The following SETD4 variants were observed in gnomAD, a reference collection of about 807,000 sequenced individuals.
The protein encoded by SETD4 is SET domain-containing protein 4.
Under a neutral mutation model 58.3 loss-of-function variants are expected in SETD4, and 46 were observed. That is an observed-to-expected ratio of 0.79 (90% confidence interval 0.62 to 1.01). The LOEUF (loss-of-function observed/expected upper bound fraction) is 1.01, where lower values mean the gene tolerates loss of function less well. Ranked by LOEUF, SETD4 falls within the 50% of genes least tolerant of loss-of-function variation. The pLI, the probability that SETD4 is intolerant of heterozygous loss-of-function variation, is 0.00. For missense variants in SETD4, 490 were observed against 523.3 expected (o/e 0.94, Z 0.62); for synonymous variants, 190 against 202.6 (o/e 0.94, Z 0.53).
At chr21:36,050,836 T>C (rs976101723) in intron 4 of SETD4, 20 of 1,610,830 alleles carry the variant, frequency 1.2e-5, no homozygotes, top group Middle Eastern at 1.6e-4. Flanking sequence ...GTACGTGTCA[T>C]TGTCGTGGGA....
chr21:36,044,242 C>T (rs772535734), intron 6 of SETD4, among the ~76,000 whole-genome samples: 3 of 152,224 alleles, frequency 2.0e-5, no homozygotes, highest in Non-Finnish European at 2.9e-5. Flanking sequence ...CCACTCACAG[C>T]CCAGGGAAGG....
At chr21:36,054,172 A>C (rs1019787552) in intron 3 of SETD4, among the ~76,000 whole-genome samples, 2 of 152,232 alleles carry the variant, frequency 1.3e-5, no homozygotes, top group African/African-American at 4.8e-5. Context: ...TCAGCTGGGT[A>C]GGTCAGCTCC....
intron 1 of SETD4, 156 bp from the exon 2 acceptor site, chr21:36,059,080 A>C: frequency 1.1e-6 from 1 of 905,640 alleles, no homozygotes; most frequent in Non-Finnish European, 1.5e-6. Flanking sequence ...GTTTCTCTCA[A>C]GTGCTTTTGT....
rs1038621079 is a variant in SETD4 at position 36,057,280 on chromosome 21, T to C, written c.74-76A>G. ...ATTACCATTTTTAAAAGAACATGTC[T>C]GATGAAATGTGTCAGACAGACTTAC... is the stretch of plus-strand genomic sequence containing the variant. On this transcript the variant is annotated intron_variant, in intron 2 of 11. Transcript: ENST00000332131. The C allele has an allele frequency of 4.7e-6, 5 of 1,056,494 alleles. No individual in the cohort carries two copies. In the African/African-American group the frequency reaches 7.8e-5, roughly 16 times the overall value. 65.4% of individuals were successfully genotyped at this position (1,056,494 alleles called of 1,614,324 possible). A position where few individuals can be genotyped will look rare whatever the true frequency, so the allele number is the denominator to read the frequency against.
intron 10 of SETD4, among the ~76,000 whole-genome samples, chr21:36,036,993 G>A (rs2063809963): frequency 6.6e-6 from 1 of 152,218 alleles, no homozygotes; most frequent in Admixed American, 6.5e-5. Context: ...ATAGAAGCAG[G>A]GAGTCAAATT....
intron 3 of SETD4, among the ~76,000 whole-genome samples, chr21:36,054,420 T>C (rs1160178229): frequency 6.6e-6 from 1 of 152,236 alleles, no homozygotes; most frequent in Non-Finnish European, 1.5e-5. Flanking sequence ...ATAAGAGGCC[T>C]AGAGCATTAA....
intron 4 of SETD4, chr21:36,050,205 A>T: frequency 1.7e-6 from 2 of 1,177,252 alleles, no homozygotes; most frequent in Non-Finnish European, 2.6e-6. Context: ...AAGGAAGCAC[A>T]AGCTGATCAA....
chr21:36,057,137 A>G lies in SETD4; in HGVS notation c.141T>C (p.Asp47=), dbSNP rs1275723776. 2.5e-6 allele frequency: 4 copies of G among 1,614,226 alleles called. No homozygotes were observed. Among genetic ancestry groups the G allele is most frequent in the African/African-American group, 2.7e-5 (2 of 75,068 alleles). The change falls in exon 3 of 12, where the codon GAT becomes GAC. Residue 47 remains aspartate, a synonymous_variant. Coordinates refer to ENST00000332131, the MANE Select transcript of SETD4 (RefSeq NM_017438.5). The part of the protein sequence containing the change: ...RKWLKARKFQ[D]SNLAPACFPG... ...GAAAACAAGCAGGCGCTAAGTTTGA[A>G]TCTTGAAACTTCCTAGCTTTCAGCC...
intron 2 of SETD4, chr21:36,057,615 T>C (rs1210826074): frequency 4.8e-6 from 2 of 413,544 alleles, no homozygotes; most frequent in African/African-American, 4.1e-5. Flanking sequence ...CAGGCTTTCA[T>C]ACAGGAATTA....
rs971374183 is a variant in SETD4, at chr21:36,035,872, CTG to C, written c.*119_*120del. Reference sequence around the variant, plus strand: ...ACTCACAGCCTCACAATCCCAGAACCTGTGCTGCCCCCTGCAGAAATCCTGCA... The same window carrying C: ...ACTCACAGCCTCACAATCCCAGAACCTGCTGCCCCCTGCAGAAATCCTGCA... On this transcript the variant is annotated 3_prime_UTR_variant, in exon 12 of 12. Transcript: ENST00000332131. 1.8e-5 allele frequency: 9 copies of C among 508,304 alleles called. No homozygotes were observed. The highest frequency in any genetic ancestry group is 1.8e-4 in the African/African-American group (9 of 51,200). The allele number at this position is 508,304 out of a possible 1,614,324, so 31.5% of individuals were successfully genotyped here. A position where few individuals can be genotyped will look rare whatever the true frequency, so the allele number is the denominator to read the frequency against.
rs977638075 is a variant in SETD4 at position 36,036,017 on chromosome 21, T to A, written c.*33-57A>T. ...TTCCTAATTGTTGAGTAGACACAAC[T>A]CATCGACTCTAAACTATATAAATTT... On this transcript the variant is annotated intron_variant, in intron 11 of 11. Transcript: ENST00000332131. 95 of 1,438,800 alleles carry A rather than the reference T, an allele frequency of 6.6e-5. 1 individual carries two copies. In the South Asian group the frequency reaches 1.1e-3, roughly 17 times the overall value. 89.1% of individuals were successfully genotyped at this position (1,438,800 alleles called of 1,614,324 possible).
rs1192257773 is a variant in SETD4 at position 36,050,171 on chromosome 21, C to T, written c.208-1775G>A. 5.0e-6 allele frequency: 5 copies of T among 990,904 alleles called. No homozygotes were observed. The South Asian group carries it at 5.2e-5, about 10-fold the overall frequency. 61.4% of individuals were successfully genotyped at this position (990,904 alleles called of 1,614,324 possible). A position where few individuals can be genotyped will look rare whatever the true frequency, so the allele number is the denominator to read the frequency against. On this transcript the variant is annotated intron_variant, in intron 4 of 11. Coordinates refer to ENST00000332131, the MANE Select transcript of SETD4 (RefSeq NM_017438.5). ...TTCCATAATCAACTGGTAGATGTTA[C>T]ATCCAAGAGGAAACAATCCAGGCAA...
At chr21:36,045,559 C>T in intron 6 of SETD4, 23 bp downstream of exon 6, 2 of 1,605,712 alleles carry the variant, frequency 1.2e-6, no homozygotes, top group Non-Finnish European at 1.7e-6. Flanking sequence ...AATAGAATAG[C>T]TGCTCCCTTG....
At chr21:36,058,519 A>AG (rs1329853418) in intron 2 of SETD4, among the ~76,000 whole-genome samples, 2 of 139,344 alleles carry the variant, frequency 1.4e-5, no homozygotes, top group Non-Finnish European at 3.2e-5. Flanking sequence ...AAAAAAAAAA[A>AG]AAGAAAGATT....
chr21:36,055,372 A>T (rs2064939018), intron 3 of SETD4, among the ~76,000 whole-genome samples: 1 of 152,242 alleles, frequency 6.6e-6, no homozygotes. Context: ...TTAGGAGCTC[A>T]TGAGAGTAAA....
chr21:36,051,596 A>G (rs1387004968), intron 4 of SETD4, among the ~76,000 whole-genome samples: 1 of 152,234 alleles, frequency 6.6e-6, no homozygotes, highest in Non-Finnish European at 1.5e-5. Context: ...TAGGTGGGGT[A>G]TAGAAAAATG....
chr21:36,058,136 T>C (rs1450741247), intron 2 of SETD4, among the ~76,000 whole-genome samples: 1 of 152,206 alleles, frequency 6.6e-6, no homozygotes, highest in Non-Finnish European at 1.5e-5. Context: ...AATGAGTTAG[T>C]TATCTTCACA....
intron 2 of SETD4, 43 bp downstream of exon 2, chr21:36,058,773 A>C (rs1434698925): frequency 1.3e-6 from 2 of 1,552,342 alleles, no homozygotes; most frequent in African/African-American, 1.4e-5. Flanking sequence ...CAATCACAAA[A>C]GGATTTCTTT....
At chr21:36,038,383 A>G (rs2063884346) in intron 9 of SETD4, 110 bp from the exon 10 acceptor site, 3 of 1,325,134 alleles carry the variant, frequency 2.3e-6, no homozygotes, top group Non-Finnish European at 3.1e-6. Flanking sequence ...GGAGCATAAT[A>G]CAACTCATTC....
Sources: gnomAD v4.1 joint callset for allele counts (sites outside exome capture counted in the v4.1 genomes callset) on GRCh38, gnomAD v4.1.1 for gene constraint, MANE v1.5 for transcripts, NCBI Gene and HGNC (gene_info 2026-07-23, HGNC 2026-07-21) for gene names.